The following CNTN5 variants were observed in gnomAD, a reference collection of about 807,000 sequenced individuals.
The protein encoded by CNTN5 is contactin 5, also known as contactin-5.
A neutral mutation model predicts 129.1 loss-of-function variants in CNTN5; 77 were observed. The ratio of observed to expected loss-of-function variants is 0.60; its 90% CI spans 0.50 to 0.72. The LOEUF (loss-of-function observed/expected upper bound fraction) is 0.72. Among genes scored for constraint, CNTN5 ranks in the 30% least tolerant of loss-of-function variants. The pLI is 0.00. For synonymous variants in CNTN5, 509 were observed against 465.6 expected, an observed-to-expected ratio of 1.09 and a Z score of -1.20; for missense variants, 1,478 against 1,328.8, an observed-to-expected ratio of 1.11 and a Z score of -1.75.
intron 3 of CNTN5, among the ~76,000 whole-genome samples, chr11:99,754,235 G>C (rs945106229): frequency 3.3e-5 from 5 of 152,134 alleles, no homozygotes; most frequent in South Asian, 2.1e-4. Context: ...GGTAAGATGA[G>C]AGTAAAGATG....
chr11:100,066,324 C>T (rs1290047987), intron 10 of CNTN5, among the ~76,000 whole-genome samples: 1 of 151,998 alleles, frequency 6.6e-6, no homozygotes, highest in African/African-American at 2.4e-5. Context: ...TCTCATTGGC[C>T]TACAGCTGAG....
At chr11:99,628,829 C>T (rs1185216618) in intron 3 of CNTN5, among the ~76,000 whole-genome samples, 4 of 151,916 alleles carry the variant, frequency 2.6e-5, no homozygotes, top group Non-Finnish European at 5.9e-5. Flanking sequence ...TAATGGCCTT[C>T]CCTTATATTT....
At chr11:99,575,592 G>GT (rs1462009426) in intron 3 of CNTN5, among the ~76,000 whole-genome samples, 1 of 152,128 alleles carries the variant, frequency 6.6e-6, no homozygotes, top group Non-Finnish European at 1.5e-5. Context: ...ACTAGATTCT[G>GT]TTTTCCAAAG....
intron 3 of CNTN5, among the ~76,000 whole-genome samples, chr11:99,675,992 A>T (rs1396185779): frequency 6.6e-6 from 1 of 152,124 alleles, no homozygotes; most frequent in East Asian, 1.9e-4. Context: ...CACTACCATC[A>T]TCTCAGAACT....
Position 99,162,805 on chromosome 11 carries a change from C to A in CNTN5, c.-210+141535C>A, listed in dbSNP as rs1210192775. On this transcript the variant is annotated intron_variant, in intron 1 of 24. Coordinates refer to ENST00000524871, the MANE Select transcript of CNTN5 (RefSeq NM_014361.4). ...CAAATAAATGGATTACAATTTTTACCTTGATACTGTATAAATAAATGATCA... is the reference window on the plus strand; with the variant it reads ...CAAATAAATGGATTACAATTTTTACATTGATACTGTATAAATAAATGATCA... 2.0e-5 allele frequency among the ~76,000 whole-genome samples: 3 copies of A among 152,096 alleles called. No homozygotes were observed. In the East Asian group the frequency reaches 5.8e-4, roughly 29 times the overall value.
intron 21 of CNTN5, chr11:100,308,773 A>T (rs1229704096): frequency 9.9e-7 from 1 of 1,011,250 alleles, no homozygotes; most frequent in Non-Finnish European, 1.2e-6. Flanking sequence ...TGGTCATTTT[A>T]AAAGTTTTTG....
At chr11:99,865,966 T>G (rs573661121) in intron 6 of CNTN5, among the ~76,000 whole-genome samples, 6 of 152,192 alleles carry the variant, frequency 3.9e-5, no homozygotes, top group African/African-American at 1.4e-4. Flanking sequence ...TATTTATATT[T>G]TTTAAAAAAT....
chr11:100,071,687 T>C lies in CNTN5; in HGVS notation c.1300-18T>C. On this transcript the variant is annotated intron_variant, in intron 11 of 24. Transcript: ENST00000524871. ...ATTTGTTTACTTTCTAGATCTAATT[T>C]TTTTAATTCCATTACAGAGTAGGGT... 6.5e-7 allele frequency: 1 copy of C among 1,534,470 alleles called. No homozygotes were observed. Among genetic ancestry groups the C allele is most frequent in the East Asian group, 2.3e-5 (1 of 42,830 alleles).
chr11:99,708,391 A>G (rs900937860), intron 3 of CNTN5, among the ~76,000 whole-genome samples: 1 of 151,790 alleles, frequency 6.6e-6, no homozygotes, highest in Non-Finnish European at 1.5e-5. Context: ...TGCATGACAA[A>G]GACAAATACA....
At chr11:100,104,335 T>A (rs1042559705) in intron 13 of CNTN5, among the ~76,000 whole-genome samples, 5 of 152,108 alleles carry the variant, frequency 3.3e-5, no homozygotes, top group Non-Finnish European at 5.9e-5. Context: ...CCTCAGGTGA[T>A]CCACCTGCCT....
chr11:100,126,516 T>A, intron 13 of CNTN5, among the ~76,000 whole-genome samples: 1 of 145,272 alleles, frequency 6.9e-6, no homozygotes, highest in Middle Eastern at 3.4e-3. Flanking sequence ...ATTGAATCCT[T>A]TAACATTATG....
At chr11:100,145,626 T>C (rs1170533496) in intron 13 of CNTN5, among the ~76,000 whole-genome samples, 1 of 152,194 alleles carries the variant, frequency 6.6e-6, no homozygotes, top group African/African-American at 2.4e-5. Flanking sequence ...ATTGTTTTTC[T>C]TTCAATTCTC....
chr11:100,027,932 A>G (rs886389734), intron 9 of CNTN5, among the ~76,000 whole-genome samples: 1 of 152,118 alleles, frequency 6.6e-6, no homozygotes, highest in Non-Finnish European at 1.5e-5. Flanking sequence ...TCTCATTTTT[A>G]TTTACTCAGT....
chr11:99,912,719 C>A (rs1949694109), intron 6 of CNTN5, among the ~76,000 whole-genome samples: 1 of 150,620 alleles, frequency 6.6e-6, no homozygotes, highest in Non-Finnish European at 1.5e-5. Context: ...CTAGTTACAG[C>A]TCTTCTTTTA....
chr11:99,229,410 CT>C (rs1860867262), intron 1 of CNTN5, among the ~76,000 whole-genome samples: 1 of 151,176 alleles, frequency 6.6e-6, no homozygotes, highest in Non-Finnish European at 1.5e-5. Context: ...TGCTGAATAG[CT>C]TTTTTTATTG....
At chr11:99,133,341 A>T (rs1447270974) in intron 1 of CNTN5, among the ~76,000 whole-genome samples, 2 of 151,622 alleles carry the variant, frequency 1.3e-5, no homozygotes, top group Non-Finnish European at 2.9e-5. Flanking sequence ...AGACATAGGC[A>T]TGGGCAAAGA....
chr11:99,668,384 A>C (rs1952887451), intron 3 of CNTN5, among the ~76,000 whole-genome samples: 1 of 152,080 alleles, frequency 6.6e-6, no homozygotes, highest in Admixed American at 6.6e-5. Flanking sequence ...TCAGTCCTGG[A>C]GTGGTGATTC....
intron 2 of CNTN5, among the ~76,000 whole-genome samples, chr11:99,550,302 C>T (rs1040617321): frequency 1.3e-5 from 2 of 152,138 alleles, no homozygotes; most frequent in African/African-American, 2.4e-5. Flanking sequence ...AGATATATGA[C>T]AGCAAGCAAT....
At chr11:99,171,944 T>A (rs1206442809) in intron 1 of CNTN5, among the ~76,000 whole-genome samples, 1 of 152,204 alleles carries the variant, frequency 6.6e-6, no homozygotes, top group Non-Finnish European at 1.5e-5. Flanking sequence ...GCACAGGGAC[T>A]CAAATTGATG....
Sources: allele counts gnomAD v4.1 joint callset (sites outside exome capture counted in the v4.1 genomes callset), GRCh38; gene constraint gnomAD v4.1.1; transcripts MANE v1.5; gene names NCBI Gene and HGNC (gene_info 2026-07-23, HGNC 2026-07-21).